The following ABR variants were observed in gnomAD, a reference collection of about 807,000 sequenced individuals.
ABR encodes the protein active breakpoint cluster region-related protein.
A neutral mutation model predicts 107.2 loss-of-function variants in ABR; 35 were observed. That is an observed-to-expected ratio of 0.33 (90% CI 0.25 to 0.43). The LOEUF (loss-of-function observed/expected upper bound fraction) is 0.43, where lower values mean the gene tolerates loss of function less well. Among genes scored for constraint, ABR ranks in the 20% least tolerant of loss-of-function variants. The probability of loss-of-function intolerance (pLI) is 1.00; values close to 1 mark genes in which losing one functional copy is unlikely to be tolerated. For missense variants in ABR, 815 were observed against 1,115.2 expected (o/e 0.73, Z 3.83); for synonymous variants, 498 against 462.0 (o/e 1.08, Z -1.00).
At chr17:1,026,231 G>A (rs2072183396) in intron 16 of ABR, among the ~76,000 whole-genome samples, 2 of 152,256 alleles carry the variant, frequency 1.3e-5, no homozygotes, top group South Asian at 4.1e-4. Flanking sequence ...CAGTTAAGTA[G>A]CAGACTGAGA....
intron 1 of ABR, among the ~76,000 whole-genome samples, chr17:1,155,277 G>A (rs2040995504): frequency 6.6e-6 from 1 of 152,168 alleles, no homozygotes; most frequent in African/African-American, 2.4e-5. Context: ...TCGACGGATT[G>A]TCAACAAGGG....
intron 10 of ABR, among the ~76,000 whole-genome samples, chr17:1,064,094 C>G (rs2034387254): frequency 7.6e-6 from 1 of 131,402 alleles, no homozygotes; most frequent in Admixed American, 7.7e-5. Context: ...GAGGGCTATA[C>G]ATGTTCCTCT....
In ABR at chr17:1,009,910, C is replaced by T. The variant is rs540385818; in HGVS notation, c.2237-126G>A. ...CTTCCAGGCCTTTGGGGAGCAGACCCCACAGGGGAGGGCCTGGTGTCTGGG... is the reference window on the plus strand; with the variant it reads ...CTTCCAGGCCTTTGGGGAGCAGACCTCACAGGGGAGGGCCTGGTGTCTGGG... On this transcript the variant is annotated intron_variant, in intron 20 of 22. Coordinates refer to ENST00000302538, the MANE Select transcript of ABR (RefSeq NM_021962.5). 5.1e-6 allele frequency: 4 copies of T among 791,882 alleles called. No homozygotes were observed. In the African/African-American group the frequency reaches 6.9e-5, roughly 14 times the overall value. The allele number at this position is 791,882 out of a possible 1,614,324, so 49.1% of individuals were successfully genotyped here.
chr17:1,078,853 T>A lies in ABR; in HGVS notation c.700+477A>T, dbSNP rs2035958381. The A allele has an allele frequency of 6.5e-7, 1 of 1,535,272 alleles. No homozygotes were observed. The highest frequency in any genetic ancestry group is 1.4e-5 in the African/African-American group (1 of 72,990). On this transcript the variant is annotated intron_variant, in intron 6 of 22. Coordinates refer to ENST00000302538, the MANE Select transcript of ABR (RefSeq NM_021962.5). This position sits in a 1 kb window ranked among gnomAD's most constrained non-coding sequence, Gnocchi z 7.5. ...CAGCAGAAGCGAATAATGAGGAGAA[T>A]CTCCATGGCAGCCTCTGTCCCCGCG...
At chr17:1,166,552 A>G (rs1033089443) in intron 1 of ABR, among the ~76,000 whole-genome samples, 6 of 152,218 alleles carry the variant, frequency 3.9e-5, no homozygotes, top group African/African-American at 1.4e-4. Context: ...GGTTGGACCC[A>G]GTCTCTGAGA....
chr17:1,108,099 C>T (rs2038382524), intron 2 of ABR, among the ~76,000 whole-genome samples: 1 of 152,234 alleles, frequency 6.6e-6, no homozygotes, highest in South Asian at 2.1e-4. Context: ...GCAAACTCCC[C>T]GAAACGCATC....
intron 1 of ABR, among the ~76,000 whole-genome samples, chr17:1,167,317 G>C (rs974869298): frequency 5.3e-5 from 8 of 151,990 alleles, no homozygotes; most frequent in Non-Finnish European, 1.0e-4. Context: ...CAGAGCCCTA[G>C]AGCACTTCGT....
intron 1 of ABR, among the ~76,000 whole-genome samples, chr17:1,178,643 T>C (rs1227250313): frequency 1.3e-5 from 2 of 151,580 alleles, no homozygotes; most frequent in Non-Finnish European, 2.9e-5. Flanking sequence ...AGGCTCCACG[T>C]GGCCCCACGT....
At chr17:1,076,737 G>GA (rs1491420510) in intron 6 of ABR, among the ~76,000 whole-genome samples, 52 of 132,300 alleles carry the variant, frequency 3.9e-4, no homozygotes, top group Non-Finnish European at 5.9e-4. Flanking sequence ...GGTGGGGGGG[G>GA]TGGCGGCACT....
intron 16 of ABR, among the ~76,000 whole-genome samples, chr17:1,017,464 C>CTTTT (rs61229673): frequency 4.8e-5 from 5 of 104,556 alleles, no homozygotes; most frequent in African/African-American, 1.6e-4. Flanking sequence ...GCCATGCCCT[C>CTTTT]TTTTTTTTTT....
chr17:1,225,600 C>T (rs902621789), intron 1 of ABR, among the ~76,000 whole-genome samples: 3 of 152,022 alleles, frequency 2.0e-5, no homozygotes, highest in Non-Finnish European at 2.9e-5. Flanking sequence ...TGCAGTGACC[C>T]GAGATGACGC....
chr17:1,146,350 G>A (rs558673994), intron 1 of ABR, among the ~76,000 whole-genome samples: 30 of 149,066 alleles, frequency 2.0e-4, no homozygotes, highest in African/African-American at 6.2e-4. Flanking sequence ...TTCAGCCCCC[G>A]GCCTCTCTGC....
chr17:1,100,544 T>G, intron 3 of ABR, 93 bp downstream of exon 3: 1 of 1,243,366 alleles, frequency 8.0e-7, no homozygotes, highest in Non-Finnish European at 1.2e-6. Flanking sequence ...TACGGTCCCC[T>G]TTCCTCTCCA....
At chr17:1,124,520 C>G (rs1385288783) in intron 2 of ABR, among the ~76,000 whole-genome samples, 1 of 152,258 alleles carries the variant, frequency 6.6e-6, no homozygotes, top group Non-Finnish European at 1.5e-5. Flanking sequence ...TGCGCTCAGA[C>G]AGCGTCAGTC....
rs1598068875 is a variant in ABR, at chr17:1,179,787, A to G, written c.-60T>C. ...ACCCTCATCGCGCAACAAAGGAGGG[A>G]GAGCGGGCGGGAGCCGGGGGAGGCC... On this transcript the variant is annotated 5_prime_UTR_variant, in exon 1 of 23. Coordinates refer to ENST00000302538, the MANE Select transcript of ABR (RefSeq NM_021962.5). This position sits in a 1 kb window ranked among gnomAD's most constrained non-coding sequence, Gnocchi z 4.9. 5.7e-5 allele frequency: 17 copies of G among 298,874 alleles called. No homozygotes were observed. The highest frequency in any genetic ancestry group is 1.4e-4 in the South Asian group (5 of 34,994). The allele number at this position is 298,874 out of a possible 1,614,324, so 18.5% of individuals were successfully genotyped here.
intron 1 of ABR, among the ~76,000 whole-genome samples, chr17:1,227,385 G>A (rs77269998): frequency 0.04 from 6,156 of 152,212 alleles, 343 homozygotes; most frequent in African/African-American, 0.13. Flanking sequence ...TTGGAACTTG[G>A]CACTAGGGTG....
At chr17:1,226,516 T>G (rs960016384) in intron 1 of ABR, among the ~76,000 whole-genome samples, 1 of 151,352 alleles carries the variant, frequency 6.6e-6, no homozygotes, top group African/African-American at 2.4e-5. Flanking sequence ...TGTGTGTGCA[T>G]GCATGTATGT....
intron 4 of ABR, among the ~76,000 whole-genome samples, chr17:1,090,024 C>T (rs998615774): frequency 3.3e-5 from 5 of 152,220 alleles, no homozygotes; most frequent in Non-Finnish European, 4.4e-5. Context: ...CAGGCAGTTA[C>T]TAGTGCTCAC....
intron 4 of ABR, 49 bp downstream of exon 4, chr17:1,091,616 G>C: frequency 6.3e-7 from 1 of 1,579,712 alleles, no homozygotes; most frequent in Non-Finnish European, 8.6e-7. Flanking sequence ...CAACACTATG[G>C]GCTCCACTGA....
Sources: allele counts gnomAD v4.1 joint callset (sites outside exome capture counted in the v4.1 genomes callset), GRCh38; gene constraint gnomAD v4.1.1; non-coding constraint Gnocchi (gnomAD v3.1); transcripts MANE v1.5; gene names NCBI Gene and HGNC (gene_info 2026-07-23, HGNC 2026-07-21).